The following PAK1 variants were observed in gnomAD, a reference collection of about 807,000 sequenced individuals.
PAK1 encodes p21 (RAC1) activated kinase 1, also known as serine/threonine-protein kinase PAK 1.
Under a neutral mutation model 67.4 loss-of-function variants are expected in PAK1, and 29 were observed. The ratio of observed to expected loss-of-function variants is 0.43; its 90% CI spans 0.32 to 0.59. The LOEUF (loss-of-function observed/expected upper bound fraction) is 0.59. Ranked by LOEUF, PAK1 falls within the 20% of genes least tolerant of loss-of-function variation. PAK1 has a pLI of 0.07. For missense variants in PAK1, 337 were observed against 670.7 expected, an observed-to-expected ratio of 0.50 and a Z score of 5.50; for synonymous variants, 223 against 237.4, an observed-to-expected ratio of 0.94 and a Z score of 0.56.
intron 1 of PAK1, among the ~76,000 whole-genome samples, chr11:77,397,591 GA>G (rs888170101): frequency 1.3e-5 from 2 of 152,176 alleles, no homozygotes; most frequent in Non-Finnish European, 1.5e-5. Context: ...AGACGGGAAA[GA>G]AAACACTTTT....
In PAK1 at chr11:77,446,333, G is replaced by A. The variant is rs370477735; in HGVS notation, c.-22+27219C>T. On this transcript the variant is annotated intron_variant, in intron 1 of 14. Transcript: ENST00000356341. Reference sequence around the variant, plus strand: ...TCGAGACCAGCCTGGCCAACATGGCGAAACCCTGAATCTACTAAAAATACA... The same window carrying A: ...TCGAGACCAGCCTGGCCAACATGGCAAAACCCTGAATCTACTAAAAATACA... Among the ~76,000 whole-genome samples the A allele has an allele frequency of 2.3e-4, 35 of 151,978 alleles. No individual in the cohort carries two copies. In the East Asian group the frequency reaches 4.1e-3, roughly 18 times the overall value.
At chr11:77,525,367 A>C in the PAK1 span, among the ~76,000 whole-genome samples, 1 of 152,044 alleles carries the variant, frequency 6.6e-6, no homozygotes, top group Non-Finnish European at 1.5e-5. Context: ...ATTAAAACTT[A>C]TCTCTAAGTC....
chr11:77,514,692 A>C, the PAK1 span, among the ~76,000 whole-genome samples: 1 of 152,204 alleles, frequency 6.6e-6, no homozygotes, highest in Non-Finnish European at 1.5e-5. Context: ...GTGATGTGTT[A>C]GTCTGAGGCT....
At chr11:77,351,173 T>C (rs953522523) in intron 8 of PAK1, among the ~76,000 whole-genome samples, 1 of 152,186 alleles carries the variant, frequency 6.6e-6, no homozygotes, top group Non-Finnish European at 1.5e-5. Context: ...TTAAAAATTA[T>C]GCAATGTGGA....
chr11:77,478,955 G>T (rs1434060879), upstream of PAK1, among the ~76,000 whole-genome samples: 1 of 141,828 alleles, frequency 7.1e-6, no homozygotes, highest in East Asian at 2.1e-4. Context: ...CGTGGTGGCA[G>T]GCGCCTATAG....
rs934650658 is a variant in PAK1 at position 77,332,979 on chromosome 11, A to T, written c.1414-112T>A. 10 of 946,614 alleles carry T rather than the reference A, an allele frequency of 1.1e-5. No homozygotes were observed. The African/African-American group carries it at 1.3e-4, about 12-fold the overall frequency. 58.6% of individuals were successfully genotyped at this position (946,614 alleles called of 1,614,324 possible). On this transcript the variant is annotated intron_variant, in intron 13 of 14. Coordinates refer to ENST00000356341, the MANE Select transcript of PAK1 (RefSeq NM_002576.5). ...TGCTTTATGCTCTAGGATGCAAAGT[A>T]GCAGCTGTGTATATATACTGGAAAG...
At chr11:77,327,651 G>A (rs1372044124) in intron 14 of PAK1, among the ~76,000 whole-genome samples, 3 of 152,166 alleles carry the variant, frequency 2.0e-5, no homozygotes, top group Non-Finnish European at 2.9e-5. Context: ...ACATGGAAAG[G>A]AACAACCAGT....
At chr11:77,506,775 G>C in the PAK1 span, among the ~76,000 whole-genome samples, 1 of 152,184 alleles carries the variant, frequency 6.6e-6, no homozygotes. Context: ...TTAAAGTGGG[G>C]CCAGGGATAA....
In PAK1 at chr11:77,323,140, A is replaced by C; in HGVS notation, c.*134T>G. On this transcript the variant is annotated 3_prime_UTR_variant, in exon 15 of 15. Coordinates refer to ENST00000356341, the MANE Select transcript of PAK1 (RefSeq NM_002576.5). ...CTGGACACACGGTTTCCAAGGATCA[A>C]AGTCTTGAGGAGTGCTAGATCAGGA... 6.5e-7 allele frequency: 1 copy of C among 1,530,982 alleles called. No homozygotes were observed. The highest frequency in any genetic ancestry group is 1.2e-5 in the South Asian group (1 of 83,926). 94.8% of individuals were successfully genotyped at this position (1,530,982 alleles called of 1,614,324 possible).
the PAK1 span, among the ~76,000 whole-genome samples, chr11:77,501,601 C>T: frequency 6.6e-6 from 1 of 152,344 alleles, no homozygotes; most frequent in Non-Finnish European, 1.5e-5. Context: ...TCTGGTCACA[C>T]TGATGCTCAG....
intron 1 of PAK1, among the ~76,000 whole-genome samples, chr11:77,451,316 G>A (rs1294749240): frequency 1.3e-5 from 2 of 152,140 alleles, no homozygotes; most frequent in African/African-American, 4.8e-5. Context: ...TATTCCCAGA[G>A]GAAAGCCTCA....
chr11:77,400,093 G>A (rs188115507), intron 1 of PAK1, among the ~76,000 whole-genome samples: 2 of 152,140 alleles, frequency 1.3e-5, no homozygotes, highest in Non-Finnish European at 2.9e-5. Context: ...CCCTAGAGTC[G>A]CTGATTTAAT....
intron 1 of PAK1, among the ~76,000 whole-genome samples, chr11:77,415,391 G>C (rs925289776): frequency 6.6e-6 from 1 of 152,150 alleles, no homozygotes; most frequent in African/African-American, 2.4e-5. Flanking sequence ...AGTGTCATTA[G>C]GTGATTTCAT....
intron 1 of PAK1, among the ~76,000 whole-genome samples, chr11:77,472,368 G>GT (rs1957902819): frequency 6.6e-6 from 1 of 152,206 alleles, no homozygotes; most frequent in Admixed American, 6.5e-5. Context: ...CCAAAATGTT[G>GT]TAAGTGCTGT....
At chr11:77,426,896 A>C (rs1955577559) in intron 1 of PAK1, among the ~76,000 whole-genome samples, 1 of 151,932 alleles carries the variant, frequency 6.6e-6, no homozygotes, top group South Asian at 2.1e-4. Context: ...AAAAGAGCCT[A>C]GGCTTTGAAA....
At chr11:77,472,951 A>G (rs914504341) in intron 1 of PAK1, among the ~76,000 whole-genome samples, 1 of 152,232 alleles carries the variant, frequency 6.6e-6, no homozygotes, top group Non-Finnish European at 1.5e-5. Flanking sequence ...TGTCTTTTCA[A>G]ACGTAATAAT....
intron 1 of PAK1, among the ~76,000 whole-genome samples, chr11:77,397,535 T>C (rs1234616361): frequency 2.0e-5 from 3 of 152,144 alleles, no homozygotes; most frequent in African/African-American, 7.2e-5. Flanking sequence ...TGTGCCTCTT[T>C]TGAAGCATGC....
chr11:77,346,083 C>T (rs1944371408), intron 9 of PAK1, among the ~76,000 whole-genome samples: 3 of 152,220 alleles, frequency 2.0e-5, no homozygotes, highest in Admixed American at 2.0e-4. Flanking sequence ...AAGTGATTCT[C>T]CTGCCTCAGC....
chr11:77,336,332 C>T (rs781070205), intron 12 of PAK1, 50 bp from the exon 13 acceptor site: 7 of 1,413,626 alleles, frequency 5.0e-6, no homozygotes, highest in Non-Finnish European at 6.9e-6. Flanking sequence ...TATACACTCA[C>T]TTCAGTAAGT....
Sources: allele counts gnomAD v4.1 joint callset (sites outside exome capture counted in the v4.1 genomes callset), GRCh38; gene constraint gnomAD v4.1.1; transcripts MANE v1.5; gene names NCBI Gene and HGNC (gene_info 2026-07-23, HGNC 2026-07-21).